Variants in EYS observed in about 807,000 individuals in gnomAD.
The protein encoded by EYS is EGF-like photoreceptor maintenance factor, also known as protein eyes shut homolog.
In EYS, 250 loss-of-function variants were observed where a neutral mutation model predicts 282.1. The ratio of observed to expected loss-of-function variants is 0.89; its 90% CI spans 0.80 to 0.98. The LOEUF is 0.98. EYS is among the 50% of genes least tolerant of loss of function. The pLI is 0.00. For missense variants in EYS, 4,016 were observed against 3,709.0 expected (o/e 1.08, Z -2.15); for synonymous variants, 1,355 against 1,282.9 (o/e 1.06, Z -1.20).
chr6:64,254,737 A>G lies in EYS; in HGVS notation c.6192-23913T>C, dbSNP rs118159502. Among the ~76,000 whole-genome samples, 308 of 152,194 alleles carry G rather than the reference A, an allele frequency of 2.0e-3. 3 individuals carry two copies. In the East Asian group the frequency reaches 0.029, roughly 15 times the overall value. On this transcript the variant is annotated intron_variant, in intron 30 of 42. Coordinates refer to ENST00000503581, the MANE Select transcript of EYS (RefSeq NM_001142800.2). ...ATCCACTCCCGTATTCTTGCCACGT[A>G]GTAAATAAATCCTGTTTGCATTATT...
rs895273167 is a variant in EYS at position 64,175,440 on chromosome 6, C to T, written c.6424+55152G>A. Among the ~76,000 whole-genome samples, 56 of 152,086 alleles carry T rather than the reference C, an allele frequency of 3.7e-4. 1 individual carries two copies. Among genetic ancestry groups the T allele is most frequent in the Non-Finnish European group, 1.8e-4 (12 of 68,026 alleles). On this transcript the variant is annotated intron_variant, in intron 31 of 42. Coordinates refer to ENST00000503581, the MANE Select transcript of EYS (RefSeq NM_001142800.2). ...ACGCAGGGATGCATAATCTGGCTAC[C>T]GCTGAGTGTCAAGGATAAATTATTG...
At position 64,605,161 on chromosome 6, in the gene EYS, A is replaced by C. The variant is rs951509871; in HGVS notation, c.3685-11852T>G. Among the ~76,000 whole-genome samples the C allele has an allele frequency of 2.8e-4, 42 of 151,980 alleles. 1 individual carries two copies. Among genetic ancestry groups the C allele is most frequent in the African/African-American group, 1.0e-3 (42 of 41,496 alleles). On this transcript the variant is annotated intron_variant, in intron 24 of 42. Transcript: ENST00000503581. ...GAGAAACTTACTTAGGTTACCCCCA[A>C]ATTTTAAATATATGGGATTTTCTCG...
intron 30 of EYS, among the ~76,000 whole-genome samples, chr6:64,233,491 C>T (rs1160358393): frequency 6.6e-6 from 1 of 152,022 alleles, no homozygotes; most frequent in African/African-American, 2.4e-5. Context: ...TATCAAGTGA[C>T]TGTGGAGGTT....
At chr6:64,092,507 G>C (rs1213475031) in intron 31 of EYS, among the ~76,000 whole-genome samples, 12 of 152,058 alleles carry the variant, frequency 7.9e-5, no homozygotes, top group African/African-American at 2.7e-4. Context: ...GGCCAGTGAT[G>C]ATGAGCATTT....
intron 22 of EYS, among the ~76,000 whole-genome samples, chr6:64,729,306 C>T (rs1011108021): frequency 3.3e-5 from 5 of 152,126 alleles, no homozygotes; most frequent in Non-Finnish European, 7.4e-5. Context: ...TATTGCTTAA[C>T]AAGTATTCAC....
chr6:65,695,391 C>T (rs931379291), intron 1 of EYS, among the ~76,000 whole-genome samples: 3 of 152,034 alleles, frequency 2.0e-5, no homozygotes, highest in Non-Finnish European at 4.4e-5. Flanking sequence ...AGAATTAAAA[C>T]ACAATTCTGT....
intron 33 of EYS, among the ~76,000 whole-genome samples, chr6:64,053,651 T>C (rs890568097): frequency 2.0e-5 from 3 of 152,174 alleles, no homozygotes; most frequent in Non-Finnish European, 4.4e-5. Flanking sequence ...AATAATTAAC[T>C]ACAGGTGAAG....
chr6:65,353,677 A>T, intron 8 of EYS, 60 bp from the exon 9 acceptor site: 1 of 1,401,072 alleles, frequency 7.1e-7, no homozygotes, highest in Non-Finnish European at 1.0e-6. Flanking sequence ...TTCAATATAT[A>T]CATATAACAT....
chr6:65,213,733 A>G (rs1386464010), intron 12 of EYS, among the ~76,000 whole-genome samples: 2 of 152,142 alleles, frequency 1.3e-5, no homozygotes, highest in Non-Finnish European at 2.9e-5. Context: ...GGCCTATTCT[A>G]TGAGACACAA....
At chr6:65,338,816 C>T (rs34774916) in intron 10 of EYS, among the ~76,000 whole-genome samples, 7,803 of 150,964 alleles carry the variant, frequency 0.052, 232 homozygotes, top group South Asian at 0.081. Context: ...ATACATAACA[C>T]AATATTATTA....
intron 19 of EYS, 93 bp downstream of exon 19, chr6:64,886,604 C>G (rs1484476308): frequency 2.0e-6 from 2 of 1,025,410 alleles, no homozygotes; most frequent in Admixed American, 3.7e-5. Context: ...TTGCATCTGG[C>G]AGATTATTTC....
chr6:65,099,637 C>T (rs1442402971), intron 12 of EYS, among the ~76,000 whole-genome samples: 1 of 150,392 alleles, frequency 6.6e-6, no homozygotes, highest in African/African-American at 2.4e-5. Context: ...GATGGAATTT[C>T]CAGGGTAATG....
intron 33 of EYS, among the ~76,000 whole-genome samples, chr6:64,042,674 T>C (rs1321138291): frequency 6.6e-6 from 1 of 152,208 alleles, no homozygotes; most frequent in Non-Finnish European, 1.5e-5. Flanking sequence ...CTGAGTTCAA[T>C]GTAGTGGCTT....
intron 37 of EYS, among the ~76,000 whole-genome samples, chr6:63,802,237 CA>C (rs886354917): frequency 1.2e-4 from 18 of 152,120 alleles, no homozygotes; most frequent in African/African-American, 4.1e-4. Context: ...TCCATACTTG[CA>C]TGTGGTCTAA....
chr6:65,132,049 C>A (rs183904320), intron 12 of EYS, among the ~76,000 whole-genome samples: 7 of 152,058 alleles, frequency 4.6e-5, no homozygotes, highest in Admixed American at 3.9e-4. Flanking sequence ...AGACCAATAA[C>A]AAGCTCTGAA....
At chr6:64,629,137 G>A (rs1196631588) in intron 22 of EYS, among the ~76,000 whole-genome samples, 2 of 152,046 alleles carry the variant, frequency 1.3e-5, no homozygotes, top group Non-Finnish European at 2.9e-5. Flanking sequence ...TGTTTTTGAT[G>A]ACTTCGACTG....
intron 2 of EYS, among the ~76,000 whole-genome samples, chr6:65,518,947 G>A (rs1767242612): frequency 6.6e-6 from 1 of 152,092 alleles, no homozygotes; most frequent in South Asian, 2.1e-4. Context: ...AATTATGGGA[G>A]CTACAATTCA....
At chr6:64,682,295 G>A (rs763073724) in intron 22 of EYS, among the ~76,000 whole-genome samples, 12 of 152,118 alleles carry the variant, frequency 7.9e-5, no homozygotes, top group Non-Finnish European at 1.8e-4. Flanking sequence ...GTGAACCTGG[G>A]AGGTGGAGTT....
chr6:65,092,482 G>C (rs1488316508), intron 12 of EYS, among the ~76,000 whole-genome samples: 1 of 152,134 alleles, frequency 6.6e-6, no homozygotes, highest in African/African-American at 2.4e-5. Context: ...AATGCAAAAA[G>C]TCATGCAACA....
Sources: gnomAD v4.1 joint callset for allele counts (sites outside exome capture counted in the v4.1 genomes callset) on GRCh38, gnomAD v4.1.1 for gene constraint, MANE v1.5 for transcripts, NCBI Gene and HGNC (gene_info 2026-07-23, HGNC 2026-07-21) for gene names.